The following GPC5 variants were observed in gnomAD, a reference collection of about 807,000 sequenced individuals.
GPC5 encodes glypican 5, also known as glypican-5.
In GPC5, 47 loss-of-function variants were observed where a neutral mutation model predicts 53.9. That is an observed-to-expected ratio of 0.87 (90% CI 0.69 to 1.11). GPC5 has a LOEUF of 1.11. GPC5 is among the 50% of genes most tolerant of loss of function. The probability of loss-of-function intolerance (pLI) is 0.00; values close to 1 mark genes in which losing one functional copy is unlikely to be tolerated. For missense variants in GPC5, 748 were observed against 713.1 expected (o/e 1.05, Z -0.56); for synonymous variants, 286 against 263.3 (o/e 1.09, Z -0.84).
In GPC5 at chr13:92,213,290, G is replaced by A. The variant is rs373893287; in HGVS notation, c.1561+68301G>A. Among the ~76,000 whole-genome samples, 4 of 152,040 alleles carry A rather than the reference G, an allele frequency of 2.6e-5. No individual in the cohort carries two copies. The South Asian group carries it at 8.3e-4, about 32-fold the overall frequency. On this transcript the variant is annotated intron_variant, in intron 7 of 7. Coordinates refer to ENST00000377067, the MANE Select transcript of GPC5 (RefSeq NM_004466.6). ...TATATGACAAACTTTCCATCCTCCC[G>A]GAGCTTACAAATCATTTTTTTAATG...
rs139963514 is a variant in GPC5, at chr13:91,575,834, A to G, written c.326-117353A>G. Reference sequence around the variant, plus strand: ...TACTTATAAGTAACCATACATTTAAAAAACTTTTTATACTATACCAATTAT... The same window carrying G: ...TACTTATAAGTAACCATACATTTAAGAAACTTTTTATACTATACCAATTAT... On this transcript the variant is annotated intron_variant, in intron 2 of 7. Coordinates refer to ENST00000377067, the MANE Select transcript of GPC5 (RefSeq NM_004466.6). Among the ~76,000 whole-genome samples, 311 of 152,302 alleles carry G rather than the reference A, an allele frequency of 2.0e-3. 5 individuals are homozygous for G. The East Asian group carries it at 0.049, about 24-fold the overall frequency.
intron 3 of GPC5, among the ~76,000 whole-genome samples, chr13:91,724,394 G>T (rs1566638919): frequency 6.6e-6 from 1 of 151,884 alleles, no homozygotes; most frequent in Non-Finnish European, 1.5e-5. Flanking sequence ...AAGTGAGCCT[G>T]TGCCTCCTCC....
At chr13:92,160,855 T>C (rs2041982654) in intron 7 of GPC5, among the ~76,000 whole-genome samples, 1 of 152,148 alleles carries the variant, frequency 6.6e-6, no homozygotes, top group Non-Finnish European at 1.5e-5. Flanking sequence ...TCCAAGTCTC[T>C]CTCCTTCACT....
chr13:91,921,698 C>A (rs1460409389), intron 6 of GPC5, among the ~76,000 whole-genome samples: 2 of 151,666 alleles, frequency 1.3e-5, no homozygotes, highest in African/African-American at 4.8e-5. Flanking sequence ...ATAATCCCAG[C>A]ATGTTAGGAG....
chr13:91,918,226 C>T (rs1813644129), intron 6 of GPC5, among the ~76,000 whole-genome samples: 2 of 152,134 alleles, frequency 1.3e-5, no homozygotes, highest in African/African-American at 4.8e-5. Flanking sequence ...ACAAGAACAG[C>T]ATAAGGGAAA....
intron 5 of GPC5, among the ~76,000 whole-genome samples, chr13:91,866,406 G>GT (rs928241129): frequency 1.2e-4 from 19 of 152,188 alleles, no homozygotes; most frequent in African/African-American, 4.1e-4. Flanking sequence ...AGTAAAAGGT[G>GT]TTTTTTTCCC....
intron 5 of GPC5, among the ~76,000 whole-genome samples, chr13:91,879,222 G>A (rs1269280224): frequency 1.3e-5 from 2 of 152,084 alleles, no homozygotes; most frequent in Non-Finnish European, 2.9e-5. Flanking sequence ...GTACCATGGT[G>A]GTTTCTTATT....
In GPC5 at chr13:92,187,623, T is replaced by C. The variant is rs114030273; in HGVS notation, c.1561+42634T>C. ...CACTGTCATTCTGAGGTGGGTGCTG[T>C]GAAGAGATTATTCAACAATCTAGAA... On this transcript the variant is annotated intron_variant, in intron 7 of 7. Transcript: ENST00000377067. Among the ~76,000 whole-genome samples the C allele has an allele frequency of 7.3e-3, 1,119 of 152,336 alleles. 20 individuals are homozygous for C. The highest frequency in any genetic ancestry group is 0.026 in the African/African-American group (1,072 of 41,566).
chr13:91,781,612 A>G (rs2037800008), intron 5 of GPC5, among the ~76,000 whole-genome samples: 1 of 152,206 alleles, frequency 6.6e-6, no homozygotes, highest in East Asian at 1.9e-4. Flanking sequence ...AACAATTGGC[A>G]CCTTTGCCTA....
intron 7 of GPC5, among the ~76,000 whole-genome samples, chr13:92,536,255 G>T (rs1421447022): frequency 2.0e-5 from 3 of 151,970 alleles, no homozygotes; most frequent in African/African-American, 7.3e-5. Context: ...CTACATTTCC[G>T]ATAGTATTCA....
chr13:92,104,132 TA>T (rs2041488676), intron 6 of GPC5, among the ~76,000 whole-genome samples: 2 of 152,184 alleles, frequency 1.3e-5, no homozygotes, highest in South Asian at 4.1e-4. Flanking sequence ...ACTGCCAGGT[TA>T]AACAATGAAA....
chr13:92,247,132 A>G (rs1831465), intron 7 of GPC5, among the ~76,000 whole-genome samples: 85,616 of 151,914 alleles, frequency 0.56, 24,393 homozygotes, highest in South Asian at 0.65. Flanking sequence ...GTGCTATAAT[A>G]TGGCTTTGCC....
rs141495441 is a variant in GPC5 at position 91,452,781 on chromosome 13, T to C, written c.325+3859T>C. Among the ~76,000 whole-genome samples the C allele has an allele frequency of 3.1e-3, 468 of 152,134 alleles. 2 individuals are homozygous for C. Among genetic ancestry groups the C allele is most frequent in the Non-Finnish European group, 5.9e-3 (398 of 67,964 alleles). ...AATTTAGTTTTTTAATTTGTAACTATGCAAAAATTTCAACATGACTTTCAA... is the reference window on the plus strand; with the variant it reads ...AATTTAGTTTTTTAATTTGTAACTACGCAAAAATTTCAACATGACTTTCAA... On this transcript the variant is annotated intron_variant, in intron 2 of 7. Coordinates refer to ENST00000377067, the MANE Select transcript of GPC5 (RefSeq NM_004466.6).
chr13:92,570,291 CA>C (rs1882986216), intron 7 of GPC5, among the ~76,000 whole-genome samples: 1 of 151,898 alleles, frequency 6.6e-6, no homozygotes, highest in Non-Finnish European at 1.5e-5. Flanking sequence ...TATTAGTTTC[CA>C]AACTGAAAAG....
chr13:92,210,932 A>G (rs1046539959), intron 7 of GPC5, among the ~76,000 whole-genome samples: 11 of 152,260 alleles, frequency 7.2e-5, no homozygotes, highest in South Asian at 2.1e-4. Flanking sequence ...ATTTCCTTCT[A>G]TCTTGTAATG....
chr13:92,866,837 T>C lies in GPC5; in HGVS notation c.*398T>C, dbSNP rs1294191840. The C allele has an allele frequency of 1.3e-5, 2 of 154,088 alleles. No individual in the cohort carries two copies. Among genetic ancestry groups the C allele is most frequent in the African/African-American group, 4.8e-5 (2 of 41,532 alleles). 9.5% of individuals were successfully genotyped at this position (154,088 alleles called of 1,614,324 possible). A position where few individuals can be genotyped will look rare whatever the true frequency, so the allele number is the denominator to read the frequency against. On this transcript the variant is annotated 3_prime_UTR_variant, in exon 8 of 8. Transcript: ENST00000377067. ...GCCAGACAATGAAAACAGTATGCAG[T>C]ATTTCTTAAAGTATTGAAATTAGAA...
At chr13:92,254,086 G>C (rs2042710471) in intron 7 of GPC5, among the ~76,000 whole-genome samples, 2 of 152,040 alleles carry the variant, frequency 1.3e-5, no homozygotes, top group Admixed American at 1.3e-4. Flanking sequence ...GGTAGTCAAA[G>C]GCCATGTTCA....
At chr13:92,404,653 A>G (rs992610112) in intron 7 of GPC5, among the ~76,000 whole-genome samples, 2 of 131,602 alleles carry the variant, frequency 1.5e-5, no homozygotes, top group Non-Finnish European at 3.3e-5. Flanking sequence ...CTTATTCCTA[A>G]TTTACAGAAG....
At chr13:91,776,115 C>G (rs1247226433) in intron 5 of GPC5, among the ~76,000 whole-genome samples, 1 of 152,176 alleles carries the variant, frequency 6.6e-6, no homozygotes, top group Non-Finnish European at 1.5e-5. Flanking sequence ...ATATCCATGA[C>G]AGCACCTGGA....
Sources: allele counts gnomAD v4.1 joint callset (sites outside exome capture counted in the v4.1 genomes callset), GRCh38; gene constraint gnomAD v4.1.1; transcripts MANE v1.5; gene names NCBI Gene and HGNC (gene_info 2026-07-23, HGNC 2026-07-21).